Variants in BRINP3 observed in about 807,000 individuals in gnomAD.
The protein encoded by BRINP3 is BMP/retinoic acid-inducible neural-specific protein 3.
A neutral mutation model predicts 71.0 loss-of-function variants in BRINP3; 19 were observed. The observed-to-expected ratio is 0.27, with a 90% CI of 0.19 to 0.39. The LOEUF is 0.39. Ranked by LOEUF, BRINP3 falls within the 10% of genes least tolerant of loss-of-function variation. The probability of loss-of-function intolerance (pLI) is 1.00; values close to 1 mark genes in which losing one functional copy is unlikely to be tolerated. For synonymous variants in BRINP3, 380 were observed against 337.7 expected (o/e 1.13, Z -1.37); for missense variants, 959 against 940.8 (o/e 1.02, Z -0.25).
At chr1:190,391,894 T>C (rs1186821011) in intron 2 of BRINP3, among the ~76,000 whole-genome samples, 1 of 151,776 alleles carries the variant, frequency 6.6e-6, no homozygotes, top group Non-Finnish European at 1.5e-5. Flanking sequence ...GGGAGACAGA[T>C]ACTACTAATT....
At chr1:190,244,555 A>G (rs1005321419) in intron 4 of BRINP3, among the ~76,000 whole-genome samples, 3 of 152,062 alleles carry the variant, frequency 2.0e-5, no homozygotes, top group South Asian at 2.1e-4. Context: ...ACCTATCACC[A>G]TCCTGGAAGA....
chr1:190,372,185 G>T (rs962409852), intron 2 of BRINP3, among the ~76,000 whole-genome samples: 17 of 152,134 alleles, frequency 1.1e-4, no homozygotes, highest in African/African-American at 4.1e-4. Context: ...AACCTGCAAG[G>T]CTGGAAGGGA....
At chr1:190,148,022 T>G (rs1445087026) in intron 7 of BRINP3, among the ~76,000 whole-genome samples, 1 of 152,204 alleles carries the variant, frequency 6.6e-6, no homozygotes, top group Admixed American at 6.5e-5. Flanking sequence ...ATAAGTAGGC[T>G]TTAAAATACG....
chr1:190,340,407 T>G (rs931389842), intron 2 of BRINP3, among the ~76,000 whole-genome samples: 1 of 151,918 alleles, frequency 6.6e-6, no homozygotes, highest in African/African-American at 2.4e-5. Flanking sequence ...AAATCTTTTA[T>G]GACACTCCTT....
At chr1:190,238,730 T>C (rs77771397) in intron 4 of BRINP3, among the ~76,000 whole-genome samples, 2,722 of 152,248 alleles carry the variant, frequency 0.018, 78 homozygotes, top group African/African-American at 0.062. Context: ...TTTGAAAGTA[T>C]CTACATAAGT....
At position 190,399,055 on chromosome 1, in the gene BRINP3, G is replaced by A. The variant is rs569914333; in HGVS notation, c.236+55600C>T. On this transcript the variant is annotated intron_variant, in intron 2 of 7. Transcript: ENST00000367462. ...TCCAGAGATTATGATTACTTTGTGC[G>A]CAGAAATTACTATTAATTTACCTCA... Among the ~76,000 whole-genome samples, 51 of 151,984 alleles carry A rather than the reference G, an allele frequency of 3.4e-4. 1 individual carries two copies. The highest frequency in any genetic ancestry group is 2.9e-3 in the South Asian group (14 of 4,830).
intron 2 of BRINP3, among the ~76,000 whole-genome samples, chr1:190,442,076 C>T (rs941786738): frequency 6.6e-6 from 1 of 151,930 alleles, no homozygotes; most frequent in Admixed American, 6.6e-5. Context: ...AATCCTGAAA[C>T]GATCACTGCA....
chr1:190,263,834 C>T (rs577798330), intron 4 of BRINP3, among the ~76,000 whole-genome samples: 15 of 152,040 alleles, frequency 9.9e-5, no homozygotes, highest in East Asian at 7.7e-4. Context: ...GTGATCCCCC[C>T]GCCTCGGCCT....
chr1:190,472,231 G>A (rs1677183685), intron 1 of BRINP3, among the ~76,000 whole-genome samples: 1 of 151,624 alleles, frequency 6.6e-6, no homozygotes, highest in South Asian at 2.1e-4. Flanking sequence ...AATAAATGAA[G>A]AGTGGTCAAG....
chr1:190,227,320 A>G (rs2102706468), intron 5 of BRINP3, among the ~76,000 whole-genome samples: 1 of 152,012 alleles, frequency 6.6e-6, no homozygotes, highest in African/African-American at 2.4e-5. Context: ...AAATTAATTT[A>G]CAAATATGTT....
intron 4 of BRINP3, among the ~76,000 whole-genome samples, chr1:190,261,291 T>C (rs1445145890): frequency 1.3e-5 from 2 of 152,052 alleles, no homozygotes; most frequent in Non-Finnish European, 2.9e-5. Context: ...TAGAAAATAA[T>C]GACCAACTCT....
At chr1:190,145,393 T>G (rs1655799155) in intron 7 of BRINP3, among the ~76,000 whole-genome samples, 1 of 152,212 alleles carries the variant, frequency 6.6e-6, no homozygotes, top group Non-Finnish European at 1.5e-5. Flanking sequence ...ATCTTTATTT[T>G]GAGTCTAGAA....
intron 7 of BRINP3, among the ~76,000 whole-genome samples, chr1:190,155,164 C>T (rs1656755848): frequency 1.3e-5 from 2 of 152,026 alleles, no homozygotes; most frequent in African/African-American, 4.8e-5. Flanking sequence ...TATAGGAGTG[C>T]ATGACATAGC....
At chr1:190,405,376 G>A (rs1221247339) in intron 2 of BRINP3, among the ~76,000 whole-genome samples, 2 of 145,268 alleles carry the variant, frequency 1.4e-5, no homozygotes, top group African/African-American at 2.5e-5. Context: ...GCGTGAACCC[G>A]GGAGGCGGAG....
chr1:190,219,385 T>C (rs188365044), intron 6 of BRINP3, among the ~76,000 whole-genome samples: 15 of 152,104 alleles, frequency 9.9e-5, no homozygotes, highest in Non-Finnish European at 1.5e-4. Context: ...TGAAATTTAT[T>C]AGAGAAATTT....
chr1:190,313,109 A>C (rs973960776), intron 2 of BRINP3, among the ~76,000 whole-genome samples: 2 of 151,936 alleles, frequency 1.3e-5, no homozygotes, highest in African/African-American at 2.4e-5. Flanking sequence ...AATTTGAAAA[A>C]AAATAAGTAA....
chr1:190,384,547 A>G (rs1419076731), intron 2 of BRINP3, among the ~76,000 whole-genome samples: 2 of 151,866 alleles, frequency 1.3e-5, no homozygotes, highest in African/African-American at 4.8e-5. Flanking sequence ...AGCTTAGTCT[A>G]TAGAAATATT....
intron 2 of BRINP3, among the ~76,000 whole-genome samples, chr1:190,342,267 C>T (rs115158581): frequency 1.5e-3 from 229 of 151,050 alleles, no homozygotes; most frequent in Non-Finnish European, 3.0e-3. Context: ...TTAATTCCAT[C>T]TCCAAGTTTA....
chr1:190,347,134 A>G (rs948282245), intron 2 of BRINP3, among the ~76,000 whole-genome samples: 5 of 152,062 alleles, frequency 3.3e-5, no homozygotes, highest in Admixed American at 2.6e-4. Flanking sequence ...TATAGACACT[A>G]TAATTATTAT....
Sources: allele counts gnomAD v4.1 joint callset (sites outside exome capture counted in the v4.1 genomes callset), GRCh38; gene constraint gnomAD v4.1.1; transcripts MANE v1.5; gene names NCBI Gene and HGNC (gene_info 2026-07-23, HGNC 2026-07-21).